The following CRB1 variants were observed in gnomAD, a reference collection of about 807,000 sequenced individuals.
CRB1 encodes crumbs cell polarity complex component 1.
In CRB1, 83 loss-of-function variants were observed where a neutral mutation model predicts 120.0. The observed-to-expected ratio is 0.69, with a 90% CI of 0.58 to 0.83. The LOEUF is 0.83. CRB1 is among the 40% of genes least tolerant of loss of function. The pLI is 0.00. For missense variants in CRB1, 1,699 were observed against 1,687.6 expected (o/e 1.01, Z -0.12); for synonymous variants, 625 against 612.5 (o/e 1.02, Z -0.30).
At chr1:197,403,338 G>T (rs567926555) in intron 5 of CRB1, among the ~76,000 whole-genome samples, 1 of 152,112 alleles carries the variant, frequency 6.6e-6, no homozygotes, top group Non-Finnish European at 1.5e-5. Context: ...TTCATTCTCA[G>T]TTCCAAAGAA....
intron 5 of CRB1, among the ~76,000 whole-genome samples, chr1:197,380,151 G>A (rs1040670654): frequency 2.6e-5 from 4 of 152,156 alleles, no homozygotes; most frequent in Non-Finnish European, 5.9e-5. Context: ...ATTGAAGGCA[G>A]CATTCCTTTA....
chr1:197,406,308 T>C (rs1663390949), intron 5 of CRB1, among the ~76,000 whole-genome samples: 1 of 152,158 alleles, frequency 6.6e-6, no homozygotes, highest in African/African-American at 2.4e-5. Context: ...ACATGTGCTG[T>C]GTCCACTCAG....
chr1:197,400,805 A>T (rs1663027437), intron 5 of CRB1, among the ~76,000 whole-genome samples: 1 of 152,172 alleles, frequency 6.6e-6, no homozygotes, highest in South Asian at 2.1e-4. Flanking sequence ...TATGTCTGTT[A>T]TCTTTTTCTA....
At chr1:197,408,654 C>A (rs1663542012) in intron 5 of CRB1, among the ~76,000 whole-genome samples, 1 of 152,172 alleles carries the variant, frequency 6.6e-6, no homozygotes. Context: ...ACATCCAACT[C>A]CATACAAGAC....
At chr1:197,445,829 A>G (rs1665673665) in intron 11 of CRB1, among the ~76,000 whole-genome samples, 1 of 152,204 alleles carries the variant, frequency 6.6e-6, no homozygotes. Context: ...ACTGTATACT[A>G]GGTCCTGGGA....
intron 1 of CRB1, among the ~76,000 whole-genome samples, chr1:197,305,671 C>T (rs1657124707): frequency 1.3e-5 from 2 of 151,748 alleles, no homozygotes; most frequent in African/African-American, 4.8e-5. Flanking sequence ...TTGATATTTG[C>T]CGTCACCTCC....
the CRB1 span, among the ~76,000 whole-genome samples, chr1:197,215,315 T>A: frequency 6.6e-6 from 1 of 150,806 alleles, no homozygotes; most frequent in Non-Finnish European, 1.5e-5. Flanking sequence ...TTCACTCTTG[T>A]TGCCCAGGCT....
At chr1:197,295,618 A>T (rs1193784305) in intron 1 of CRB1, among the ~76,000 whole-genome samples, 1 of 152,076 alleles carries the variant, frequency 6.6e-6, no homozygotes, top group East Asian at 1.9e-4. Context: ...ACACAACTCA[A>T]GCCTTTGTGT....
chr1:197,471,269 A>C (rs1666967053), intron 11 of CRB1, among the ~76,000 whole-genome samples: 1 of 152,160 alleles, frequency 6.6e-6, no homozygotes, highest in Non-Finnish European at 1.5e-5. Flanking sequence ...GGTGAGAATT[A>C]ATGAGAAAGC....
intron 1 of CRB1, among the ~76,000 whole-genome samples, chr1:197,325,992 A>G (rs552084390): frequency 1.3e-5 from 2 of 152,322 alleles, no homozygotes; most frequent in Admixed American, 1.3e-4. Context: ...GAGAGAATTA[A>G]GTTAGTAAAT....
chr1:197,219,239 A>G, the CRB1 span, among the ~76,000 whole-genome samples: 1 of 152,356 alleles, frequency 6.6e-6, no homozygotes, highest in East Asian at 1.9e-4. Context: ...TGGAACCTCA[A>G]ATACATAAAG....
At chr1:197,395,793 C>T (rs1159022639) in intron 5 of CRB1, among the ~76,000 whole-genome samples, 1 of 152,062 alleles carries the variant, frequency 6.6e-6, no homozygotes, top group Non-Finnish European at 1.5e-5. Flanking sequence ...TTTAACAAAA[C>T]TCAACATTCA....
intron 10 of CRB1, chr1:197,439,660 G>T (rs184861080): frequency 1.3e-5 from 2 of 152,018 alleles, no homozygotes; most frequent in African/African-American, 4.8e-5. Context: ...GGTAAGATAA[G>T]TGATCTCTGA....
At chr1:197,476,168 C>T (rs141924305) in intron 11 of CRB1, among the ~76,000 whole-genome samples, 5 of 151,914 alleles carry the variant, frequency 3.3e-5, no homozygotes, top group African/African-American at 4.8e-5. Context: ...CCTCAGCTTC[C>T]GAAAGTGCTG....
At chr1:197,441,977 A>G (rs1017254143) in intron 10 of CRB1, 189 bp from the exon 11 acceptor site, 5 of 673,172 alleles carry the variant, frequency 7.4e-6, no homozygotes, top group African/African-American at 7.1e-5. Flanking sequence ...GATTATTTCC[A>G]TTAAACCCCA....
At position 197,458,556 on chromosome 1, in the gene CRB1, A is replaced by G. The variant is rs118095571; in HGVS notation, c.4005+16264A>G. 1.1e-3 allele frequency among the ~76,000 whole-genome samples: 165 copies of G among 152,190 alleles called. No homozygotes were observed. In the East Asian group the frequency reaches 0.013, roughly 12 times the overall value. On this transcript the variant is annotated intron_variant, in intron 11 of 11. Coordinates refer to ENST00000367400, the MANE Select transcript of CRB1 (RefSeq NM_201253.3). ...GGATAAGCTGACATTCTGGGCTTCT[A>G]GGCAGGAAATCCAATGTTCTGTCCT... is the stretch of plus-strand genomic sequence containing the variant.
At chr1:197,354,258 T>G (rs1167180973) in intron 4 of CRB1, among the ~76,000 whole-genome samples, 1 of 152,206 alleles carries the variant, frequency 6.6e-6, no homozygotes, top group Non-Finnish European at 1.5e-5. Flanking sequence ...AAATGTACAT[T>G]ACTTATGACC....
chr1:197,246,487 C>T, the CRB1 span, among the ~76,000 whole-genome samples: 1 of 151,950 alleles, frequency 6.6e-6, no homozygotes, highest in South Asian at 2.1e-4. Context: ...TTTCTTGTGC[C>T]CTGTGTCCCA....
At chr1:197,218,125 G>T in the CRB1 span, among the ~76,000 whole-genome samples, 4 of 152,170 alleles carry the variant, frequency 2.6e-5, no homozygotes, top group African/African-American at 9.7e-5. Flanking sequence ...GAGAGCAGAT[G>T]ATGTCATAGT....
Sources: allele counts gnomAD v4.1 joint callset (sites outside exome capture counted in the v4.1 genomes callset), GRCh38; gene constraint gnomAD v4.1.1; transcripts MANE v1.5; gene names NCBI Gene and HGNC (gene_info 2026-07-23, HGNC 2026-07-21).